Variants in PSEN1 observed in about 807,000 individuals in gnomAD.
PSEN1 encodes the protein presenilin-1.
PSEN1 carries 15 observed loss-of-function variants against 53.5 expected under a neutral mutation model. That is an observed-to-expected ratio of 0.28 (90% CI 0.19 to 0.43). The LOEUF is 0.43. PSEN1 is among the 20% of genes least tolerant of loss of function. The pLI is 1.00. For synonymous variants in PSEN1, 208 were observed against 209.8 expected, an observed-to-expected ratio of 0.99 and a Z score of 0.08; for missense variants, 387 against 571.2, an observed-to-expected ratio of 0.68 and a Z score of 3.29.
chr14:73,206,869 T>A (rs1273346027), intron 9 of PSEN1, among the ~76,000 whole-genome samples: 1 of 151,420 alleles, frequency 6.6e-6, no homozygotes, highest in Admixed American at 6.6e-5. Context: ...AAAGGAAAAA[T>A]AAGTAAACAA....
intron 10 of PSEN1, among the ~76,000 whole-genome samples, chr14:73,214,305 C>T (rs1291674855): frequency 1.3e-5 from 2 of 152,048 alleles, no homozygotes; most frequent in African/African-American, 2.4e-5. Context: ...CCAAGGCAGG[C>T]GGACCACCTG....
At chr14:73,192,521 T>A (rs1898763107) in intron 6 of PSEN1, 123 bp from the exon 7 acceptor site, 1 of 738,286 alleles carries the variant, frequency 1.4e-6, no homozygotes, top group Non-Finnish European at 2.4e-6. Context: ...TTGATATAGG[T>A]TATGGTAAAA....
At chr14:73,180,219 A>G (rs1488735899) in intron 5 of PSEN1, among the ~76,000 whole-genome samples, 1 of 152,180 alleles carries the variant, frequency 6.6e-6, no homozygotes, top group Non-Finnish European at 1.5e-5. Context: ...TTCTGACCTC[A>G]GGTGATCCAC....
intron 9 of PSEN1, among the ~76,000 whole-genome samples, chr14:73,208,433 C>G (rs1899542389): frequency 6.6e-6 from 1 of 152,070 alleles, no homozygotes; most frequent in African/African-American, 2.4e-5. Context: ...GAGAGGAGAC[C>G]TGGAGTGGGT....
At chr14:73,154,813 A>G (rs1181057755) in intron 3 of PSEN1, among the ~76,000 whole-genome samples, 1 of 152,220 alleles carries the variant, frequency 6.6e-6, no homozygotes, top group African/African-American at 2.4e-5. Context: ...TGAAAAGCCT[A>G]GTTGATCAGC....
At chr14:73,151,490 G>A (rs534994389) in intron 3 of PSEN1, among the ~76,000 whole-genome samples, 351 of 152,206 alleles carry the variant, frequency 2.3e-3, no homozygotes, top group African/African-American at 7.8e-3. Flanking sequence ...GAGAAGAAAA[G>A]CATGGGTGAT....
intron 10 of PSEN1, among the ~76,000 whole-genome samples, chr14:73,214,280 C>T (rs575952097): frequency 3.9e-5 from 6 of 152,154 alleles, no homozygotes; most frequent in Admixed American, 2.0e-4. Context: ...CCTGTAATCC[C>T]AGCACTTTGG....
At chr14:73,147,932 A>C in intron 2 of PSEN1, 35 bp from the exon 3 acceptor site, 5 of 921,526 alleles carry the variant, frequency 5.4e-6, no homozygotes, top group African/African-American at 1.6e-5. Flanking sequence ...GTATAATTGT[A>C]GTGCACAAAG....
chr14:73,175,165 C>G (rs770710955), intron 5 of PSEN1, among the ~76,000 whole-genome samples: 1 of 152,172 alleles, frequency 6.6e-6, no homozygotes, highest in South Asian at 2.1e-4. Context: ...TCGCTCTTGT[C>G]CCGCAGGCTG....
At chr14:73,159,997 AT>A (rs1208355291) in intron 3 of PSEN1, 20 of 206,116 alleles carry the variant, frequency 9.7e-5, no homozygotes, top group Middle Eastern at 5.7e-4. Context: ...TAATTTTTTA[AT>A]TTTTTTGTAG....
intron 9 of PSEN1, among the ~76,000 whole-genome samples, chr14:73,209,544 G>GAT (rs1899595530): frequency 6.6e-6 from 1 of 152,196 alleles, no homozygotes; most frequent in Non-Finnish European, 1.5e-5. Context: ...AGGCCCTGGG[G>GAT]ATATAGCACT....
intron 11 of PSEN1, 117 bp from the exon 12 acceptor site, chr14:73,219,017 C>T: frequency 8.7e-7 from 1 of 1,147,486 alleles, no homozygotes; most frequent in Admixed American, 1.7e-5. Flanking sequence ...TAAAATTTAA[C>T]CCCAAAAGGA....
intron 6 of PSEN1, among the ~76,000 whole-genome samples, chr14:73,192,388 C>A (rs773786642): frequency 5.9e-5 from 9 of 152,194 alleles, no homozygotes; most frequent in Non-Finnish European, 1.3e-4. Context: ...CTGCAGTGAG[C>A]CGTGATTGCA....
At chr14:73,161,428 A>G (rs964556967) in intron 3 of PSEN1, among the ~76,000 whole-genome samples, 1 of 152,154 alleles carries the variant, frequency 6.6e-6, no homozygotes, top group African/African-American at 2.4e-5. Flanking sequence ...TTCATTGTAC[A>G]GGATATTTGG....
chr14:73,192,018 G>A (rs1455091295), intron 6 of PSEN1, among the ~76,000 whole-genome samples: 5 of 151,480 alleles, frequency 3.3e-5, no homozygotes, highest in South Asian at 2.1e-4. Context: ...TTTCCTCTTC[G>A]TACTCATTTT....
chr14:73,141,971 G>A (rs1896942251), intron 1 of PSEN1, among the ~76,000 whole-genome samples: 1 of 151,966 alleles, frequency 6.6e-6, no homozygotes, highest in African/African-American at 2.4e-5. Flanking sequence ...GGAGGCTGAG[G>A]CAGGAGAATG....
At chr14:73,209,005 T>C in intron 9 of PSEN1, 1 of 400,378 alleles carries the variant, frequency 2.5e-6, no homozygotes. Context: ...GGGGCTGGCA[T>C]GTCAGTGCTG....
At chr14:73,211,743 G>A in intron 9 of PSEN1, 26 bp from the exon 10 acceptor site, 1 of 1,613,226 alleles carries the variant, frequency 6.2e-7, no homozygotes, top group South Asian at 1.1e-5. Context: ...AAATATTAGA[G>A]CTGTAACTTC....
At chr14:73,212,098 T>TTTTTTTTC (rs1899721358) in intron 10 of PSEN1, among the ~76,000 whole-genome samples, 156 bp downstream of exon 10, 1 of 54,808 alleles carries the variant, frequency 1.8e-5, no homozygotes, top group African/African-American at 1.1e-4. Context: ...CTTTTTTTTT[T>TTTTTTTTC]TTTTTTTTTT....
Sources: allele counts gnomAD v4.1 joint callset (sites outside exome capture counted in the v4.1 genomes callset), GRCh38; gene constraint gnomAD v4.1.1; transcripts MANE v1.5; gene names NCBI Gene and HGNC (gene_info 2026-07-23, HGNC 2026-07-21).